The following MFSD6 variants were observed in gnomAD, a reference collection of about 807,000 sequenced individuals.
The protein encoded by MFSD6 is major facilitator superfamily domain-containing protein 6.
In MFSD6, 26 loss-of-function variants were observed where a neutral mutation model predicts 56.3. That is an observed-to-expected ratio of 0.46 (90% CI 0.34 to 0.64). MFSD6 has a LOEUF of 0.64. Among genes scored for constraint, MFSD6 ranks in the 30% least tolerant of loss-of-function variants. The pLI is 0.01. For missense variants in MFSD6, 750 were observed against 986.2 expected (o/e 0.76, Z 3.21); for synonymous variants, 331 against 366.9 (o/e 0.90, Z 1.12).
chr2:190,409,149 C>G (rs1229475669), intron 1 of MFSD6, among the ~76,000 whole-genome samples: 2 of 152,172 alleles, frequency 1.3e-5, no homozygotes, highest in African/African-American at 4.8e-5. Flanking sequence ...TCCACTTGGT[C>G]TAACATGTCT....
In MFSD6 at chr2:190,418,717, A is replaced by G. The variant is rs1690892738; in HGVS notation, c.-54+3304A>G. On this transcript the variant is annotated intron_variant, in intron 2 of 7. Transcript: ENST00000392328. The surrounding 1 kb of genome is among the most constrained non-coding windows in gnomAD (Gnocchi z 4.1). ...GGCTGCAGTGAGCTGTGATTGTGCC[A>G]CTGCGCTCCAGCCTGGGTGGCAGAA... Among the ~76,000 whole-genome samples the G allele has an allele frequency of 6.6e-6, 1 of 152,248 alleles. No homozygotes were observed. Among genetic ancestry groups the G allele is most frequent in the Non-Finnish European group, 1.5e-5 (1 of 68,044 alleles).
At chr2:190,468,816 G>A (rs1406397606) in intron 3 of MFSD6, among the ~76,000 whole-genome samples, 7 of 152,058 alleles carry the variant, frequency 4.6e-5, no homozygotes, top group Non-Finnish European at 1.0e-4. Context: ...TATCGTGTTG[G>A]TTTATTTCTT....
Position 190,465,646 on chromosome 2 carries a change from G to A in MFSD6, c.1533-4112G>A, listed in dbSNP as rs1256520528. 6.6e-6 allele frequency among the ~76,000 whole-genome samples: 1 copy of A among 152,170 alleles called. No homozygotes were observed. The highest frequency in any genetic ancestry group is 2.4e-5 in the African/African-American group (1 of 41,430). ...AATCCCTAACTGTATTAGAGTGAATGTGTTCATTTGCTTGGGTTACCACAA... is the reference window on the plus strand; with the variant it reads ...AATCCCTAACTGTATTAGAGTGAATATGTTCATTTGCTTGGGTTACCACAA... On this transcript the variant is annotated intron_variant, in intron 3 of 7. Coordinates refer to ENST00000392328, the MANE Select transcript of MFSD6 (RefSeq NM_017694.4). This position sits in a 1 kb window ranked among gnomAD's most constrained non-coding sequence, Gnocchi z 4.6.
In MFSD6 at chr2:190,471,675, T is replaced by G. The variant is rs900022512; in HGVS notation, c.1630+1820T>G. ...AAACTCCACCTCTGGGGGCAGAGCA[T>G]AGCCAAACAAAAGGCAGCAGAAACC... On this transcript the variant is annotated intron_variant, in intron 4 of 7. Transcript: ENST00000392328. This position sits in a 1 kb window ranked among gnomAD's most constrained non-coding sequence, Gnocchi z 4.7. 4.6e-5 allele frequency among the ~76,000 whole-genome samples: 7 copies of G among 152,178 alleles called. No individual in the cohort carries two copies. Among genetic ancestry groups the G allele is most frequent in the Non-Finnish European group, 7.4e-5 (5 of 68,026 alleles).
intron 3 of MFSD6, chr2:190,444,800 CCATTT>C (rs1298172217): frequency 5.8e-6 from 3 of 514,432 alleles, no homozygotes; most frequent in Non-Finnish European, 7.5e-6. Context: ...AAACCATCCT[CCATTT>C]CATTCAGAAA....
rs928067570 is a variant in MFSD6, at chr2:190,410,095, C to A, written c.-176+1592C>A. 6.6e-6 allele frequency among the ~76,000 whole-genome samples: 1 copy of A among 152,108 alleles called. No homozygotes were observed. The highest frequency in any genetic ancestry group is 2.4e-5 in the African/African-American group (1 of 41,408). ...TATAAAAGCGTGAAGGCAAATAAAA[C>A]ACAAAGACAAAAAGCAGAGTTCACA... On this transcript the variant is annotated intron_variant, in intron 1 of 7. Transcript: ENST00000392328. The surrounding 1 kb of genome is among the most constrained non-coding windows in gnomAD (Gnocchi z 4.4).
At chr2:190,480,965 C>T (rs916150784) in intron 4 of MFSD6, among the ~76,000 whole-genome samples, 3 of 152,050 alleles carry the variant, frequency 2.0e-5, no homozygotes, top group Non-Finnish European at 4.4e-5. Context: ...TGCATTAAAG[C>T]CTGGCTATGA....
At chr2:190,475,030 ACT>A (rs1437623168) in intron 4 of MFSD6, among the ~76,000 whole-genome samples, 8 of 152,108 alleles carry the variant, frequency 5.3e-5, no homozygotes, top group Admixed American at 3.3e-4. Context: ...CATGCTAAAA[ACT>A]CTCAATAAAT....
chr2:190,469,740 T>TTTTTTA lies in MFSD6; in HGVS notation c.1533-12_1533-7dup, dbSNP rs1181529035. 1 of 1,393,204 alleles carries TTTTTTA rather than the reference T, an allele frequency of 7.2e-7. No homozygotes were observed. The highest frequency in any genetic ancestry group is 9.5e-7 in the Non-Finnish European group (1 of 1,053,368). The allele number at this position is 1,393,204 out of a possible 1,614,324, so 86.3% of individuals were successfully genotyped here. ...TTTGCTTTTTTTTATTTTATTTTTATTTTTTATTTTTTTTTAGGGTTCTGT... is the reference window on the plus strand; with the variant it reads ...TTTGCTTTTTTTTATTTTATTTTTATTTTTTATTTTTATTTTTTTTTAGGGTTCTGT... On this transcript the variant is annotated splice_polypyrimidine_tract_variant and intron_variant, in intron 3 of 7. Transcript: ENST00000392328. The surrounding 1 kb of genome is among the most constrained non-coding windows in gnomAD (Gnocchi z 5.3).
At position 190,431,525 on chromosome 2, in the gene MFSD6, A is replaced by G. The variant is rs530806017; in HGVS notation, c.-53-4452A>G. ...GGAGACTAGCCCGGCCAACACAGCG[A>G]AACCCCGTCTCCACCAAAAAAATAC... On this transcript the variant is annotated intron_variant, in intron 2 of 7. Transcript: ENST00000392328. This position sits in a 1 kb window ranked among gnomAD's most constrained non-coding sequence, Gnocchi z 4.4. Among the ~76,000 whole-genome samples, 30 of 152,328 alleles carry G rather than the reference A, an allele frequency of 2.0e-4. No homozygotes were observed. Among genetic ancestry groups the G allele is most frequent in the African/African-American group, 7.0e-4 (29 of 41,580 alleles).
rs1690600023 is a variant in MFSD6, at chr2:190,412,507, C to T, written c.-175-2785C>T. On this transcript the variant is annotated intron_variant, in intron 1 of 7. Transcript: ENST00000392328. The surrounding 1 kb of genome is among the most constrained non-coding windows in gnomAD (Gnocchi z 4.1). ...AGGCCAGTTTGGGTAAAATTTCTTC[C>T]TCAAACTCAACTAACATGGCATTTC... 1 of 985,304 alleles carries T rather than the reference C, an allele frequency of 1.0e-6. No homozygotes were observed. The highest frequency in any genetic ancestry group is 1.1e-4 in the East Asian group (1 of 8,812). The allele number at this position is 985,304 out of a possible 1,614,324, so 61.0% of individuals were successfully genotyped here.
rs1306409881 is a variant in MFSD6, at chr2:190,487,376, C to A, written c.1631-1281C>A. Among the ~76,000 whole-genome samples the A allele has an allele frequency of 1.3e-5, 2 of 152,138 alleles. No individual in the cohort carries two copies. The highest frequency in any genetic ancestry group is 2.9e-5 in the Non-Finnish European group (2 of 67,970). ...AACAAAACATAAAAATTGTTATATC[C>A]TTTGAATCATTAACCCCACTTGTGG... On this transcript the variant is annotated intron_variant, in intron 4 of 7. Transcript: ENST00000392328. This position sits in a 1 kb window ranked among gnomAD's most constrained non-coding sequence, Gnocchi z 5.5.
Position 190,497,643 on chromosome 2 carries a change from T to C in MFSD6, c.2096T>C (p.Val699Ala), listed in dbSNP as rs1689778537. 19 of 1,614,156 alleles carry C rather than the reference T, an allele frequency of 1.2e-5. No homozygotes were observed. The highest frequency in any genetic ancestry group is 1.5e-5 in the Non-Finnish European group (18 of 1,180,014). The part of the protein sequence containing the change: ...GVSSSPWVTF[V>A]YALYQIKEMM... Reference sequence around the variant, plus strand: ...AGCTCTTCTCCCTGGGTGACCTTTGTCTATGCACTCTACCAAATTAAAGAG... The same window carrying C: ...AGCTCTTCTCCCTGGGTGACCTTTGCCTATGCACTCTACCAAATTAAAGAG... Residue 699 changes from valine to alanine, a missense_variant, in exon 7 of 8, where the codon GTC becomes GCC. Val to Ala is a moderately conservative substitution (Grantham distance 64). Transcript: ENST00000392328. This position sits in a 1 kb window ranked among gnomAD's most constrained non-coding sequence, Gnocchi z 5.2.
chr2:190,462,045 A>C lies in MFSD6; in HGVS notation c.1533-7713A>C, dbSNP rs1202911749. Among the ~76,000 whole-genome samples the C allele has an allele frequency of 6.6e-6, 1 of 152,134 alleles. No homozygotes were observed. Among genetic ancestry groups the C allele is most frequent in the Non-Finnish European group, 1.5e-5 (1 of 68,018 alleles). On this transcript the variant is annotated intron_variant, in intron 3 of 7. Coordinates refer to ENST00000392328, the MANE Select transcript of MFSD6 (RefSeq NM_017694.4). This position sits in a 1 kb window ranked among gnomAD's most constrained non-coding sequence, Gnocchi z 5.7. ...CTATACGAACTCAAAATCTACAGAA[A>C]TATACTCCTTAGGCGATGAAGGGCC...
At position 190,417,938 on chromosome 2, in the gene MFSD6, T is replaced by G. The variant is rs573379586; in HGVS notation, c.-54+2525T>G. ...CTATGTGGCTTTTCTTCCATTATTA[T>G]TCTGACTTTTCATTTAACCCTTTAG... On this transcript the variant is annotated intron_variant, in intron 2 of 7. Transcript: ENST00000392328. The surrounding 1 kb of genome is among the most constrained non-coding windows in gnomAD (Gnocchi z 5.7). Among the ~76,000 whole-genome samples, 29 of 151,842 alleles carry G rather than the reference T, an allele frequency of 1.9e-4. No homozygotes were observed. The highest frequency in any genetic ancestry group is 6.8e-4 in the African/African-American group (28 of 41,358).
chr2:190,434,130 A>G lies in MFSD6; in HGVS notation c.-53-1847A>G, dbSNP rs961027578. Among the ~76,000 whole-genome samples, 14 of 151,162 alleles carry G rather than the reference A, an allele frequency of 9.3e-5. No individual in the cohort carries two copies. The highest frequency in any genetic ancestry group is 9.2e-4 in the Admixed American group (14 of 15,140). On this transcript the variant is annotated intron_variant, in intron 2 of 7. Transcript: ENST00000392328. The surrounding 1 kb of genome is among the most constrained non-coding windows in gnomAD (Gnocchi z 4.3). ...ACTGGGAGGTTGAGGCTGCAGTGCCATAATTACACCACTGCACTCCAGCCT... is the reference window on the plus strand; with the variant it reads ...ACTGGGAGGTTGAGGCTGCAGTGCCGTAATTACACCACTGCACTCCAGCCT...
chr2:190,500,164 G>A lies in MFSD6; in HGVS notation c.2322G>A (p.Pro774=), dbSNP rs777729645. 12 of 1,613,990 alleles carry A rather than the reference G, an allele frequency of 7.4e-6. No homozygotes were observed. The highest frequency in any genetic ancestry group is 2.7e-5 in the African/African-American group (2 of 74,900). ...QTSPAHPSVD[P]CTEESEEQQA... Reference sequence around the variant, plus strand: ...GCCCCGCTCACCCCAGTGTGGACCCGTGCACAGAGGAGAGTGAAGAGCAGC... The same window carrying A: ...GCCCCGCTCACCCCAGTGTGGACCCATGCACAGAGGAGAGTGAAGAGCAGC... The change falls in exon 8 of 8, where the codon CCG becomes CCA. Residue 774 remains proline, a synonymous_variant. Transcript: ENST00000392328. This position sits in a 1 kb window ranked among gnomAD's most constrained non-coding sequence, Gnocchi z 5.3.
intron 2 of MFSD6, among the ~76,000 whole-genome samples, chr2:190,432,477 C>T (rs1408393467): frequency 6.6e-6 from 1 of 152,126 alleles, no homozygotes; most frequent in African/African-American, 2.4e-5. Context: ...AATGCAGTGG[C>T]GTGATCTCGG....
rs1687316283 is a variant in MFSD6 at position 190,461,302 on chromosome 2, G to C, written c.1533-8456G>C. On this transcript the variant is annotated intron_variant, in intron 3 of 7. Coordinates refer to ENST00000392328, the MANE Select transcript of MFSD6 (RefSeq NM_017694.4). This position sits in a 1 kb window ranked among gnomAD's most constrained non-coding sequence, Gnocchi z 5.5. ...CTTTGAGAAAGTAGACATGCACTTG[G>C]AAAAACATTCAAAAGGTATTTAGTA... 6.6e-6 allele frequency among the ~76,000 whole-genome samples: 1 copy of C among 152,134 alleles called. No individual in the cohort carries two copies. Among genetic ancestry groups the C allele is most frequent in the Non-Finnish European group, 1.5e-5 (1 of 68,014 alleles).
Sources: gnomAD v4.1 joint callset for allele counts (sites outside exome capture counted in the v4.1 genomes callset) on GRCh38, gnomAD v4.1.1 for gene constraint, Gnocchi (gnomAD v3.1) non-coding constraint, MANE v1.5 for transcripts, NCBI Gene and HGNC (gene_info 2026-07-23, HGNC 2026-07-21) for gene names.